MRGPRX1: variants seen among roughly 807,000 people sequenced by gnomAD.
MRGPRX1 encodes the protein MAS related GPR family member X1, also known as mas-related G protein-coupled receptor member X1.
For synonymous variants in MRGPRX1, 208 were observed against 170.4 expected (o/e 1.22, Z -1.72); for missense variants, 411 against 393.8 (o/e 1.04, Z -0.37).
At position 18,934,093 on chromosome 11, in the gene MRGPRX1, G is replaced by A; in HGVS notation, c.692C>T (p.Pro231Leu). ...AAATAGGAAAAACTGAATGCCAAAG[G>A]GCAGGCCACAGAGGAGGAAGACCAG... ...TVLVFLLCGL[P>L]FGIQFFLFLW... is the part of the protein sequence containing the mutation. Residue 231 changes from proline (P) to leucine (L), a missense_variant, in exon 2 of 2, where the codon CCC becomes CTC. Coordinates refer to ENST00000526914, the MANE Select transcript of MRGPRX1 (RefSeq NM_001393578.1). 6.2e-7 allele frequency: 1 copy of A among 1,610,914 alleles called. No homozygotes were observed. Among genetic ancestry groups the A allele is most frequent in the Non-Finnish European group, 8.5e-7 (1 of 1,178,226 alleles).
chr11:18,935,726 G>T (rs1848835313), intron 1 of MRGPRX1, among the ~76,000 whole-genome samples: 1 of 151,496 alleles, frequency 6.6e-6, no homozygotes, highest in African/African-American at 2.4e-5. Flanking sequence ...GAAAGAGTAA[G>T]TGAGGGTGAG....
chr11:18,934,436 T>G lies in MRGPRX1; in HGVS notation c.349A>C (p.Ser117Arg). Residue 117 changes from serine to arginine, a missense_variant, in exon 2 of 2, where the codon AGC (serine) becomes CGC (arginine). Transcript: ENST00000526914. ...AGGACGGACAGGCAGCGCTCGGTGC[T>G]CACGGCACTCAGAAAGCTCAGGCCT... ...FAGLSFLSAVSTERCLSVLWP... is the reference protein window; with the variant it reads ...FAGLSFLSAVRTERCLSVLWP... 1 of 1,610,548 alleles carries G rather than the reference T, an allele frequency of 6.2e-7. No homozygotes were observed. The highest frequency in any genetic ancestry group is 8.5e-7 in the Non-Finnish European group (1 of 1,178,094).
rs760104473 is a variant in MRGPRX1 at position 18,934,305 on chromosome 11, T to G, written c.480A>C (p.Leu160Phe). 1.1e-5 allele frequency: 18 copies of G among 1,610,458 alleles called. 2 individuals are homozygous for G. Among genetic ancestry groups the G allele is most frequent in the South Asian group, 2.2e-5 (2 of 90,800 alleles). The change falls in exon 2 of 2, where the codon TTA becomes TTC. Residue 160 changes from leucine to phenylalanine, a missense_variant. By Grantham distance (22) the Leu-to-Phe change is conservative. Transcript: ENST00000526914. ...CAGCACCACTGAACAGGAAGCCACA[T>G]AACATCCACTCCAGGATGCTCCGCA... The part of the protein sequence containing the change: ...SLLRSILEWM[L>F]CGFLFSGADS...
intron 1 of MRGPRX1, 96 bp from the exon 2 acceptor site, chr11:18,934,905 C>T (rs1320005222): frequency 1.5e-6 from 2 of 1,320,620 alleles, no homozygotes; most frequent in South Asian, 3.2e-5. Context: ...TTAAAGAGGG[C>T]AGATCAGAGA....
chr11:18,938,590 G>T (rs1305257932), intron 1 of MRGPRX1, among the ~76,000 whole-genome samples: 1 of 151,562 alleles, frequency 6.6e-6, no homozygotes, highest in Non-Finnish European at 1.5e-5. Flanking sequence ...TTTGGTTGGG[G>T]ACACAGATCC....
chr11:18,934,717 CAA>C lies in MRGPRX1; in HGVS notation c.66_67del (p.Cys23LeufsTer73), dbSNP rs1445087522. ...CGTGAGGCTCAAGGTCTGCTTGTAG[CAA>C]AGAGTCTCCTCAGTTCCGTTGATTG... On this transcript the variant is annotated frameshift_variant, in exon 2 of 2. Transcript: ENST00000526914. LOFTEE classifies it low-confidence loss of function (END_TRUNC). 4.4e-6 allele frequency: 7 copies of C among 1,608,198 alleles called. No individual in the cohort carries two copies. Among genetic ancestry groups the C allele is most frequent in the South Asian group, 3.3e-5 (3 of 90,326 alleles).
chr11:18,938,377 C>T (rs1167965274), intron 1 of MRGPRX1, among the ~76,000 whole-genome samples: 1 of 151,570 alleles, frequency 6.6e-6, no homozygotes, highest in African/African-American at 2.4e-5. Context: ...AGCAAGTCAT[C>T]TCACATGGTG....
intron 1 of MRGPRX1, chr11:18,935,394 G>C (rs1848832857): frequency 6.6e-6 from 1 of 151,600 alleles, no homozygotes; most frequent in East Asian, 1.9e-4. Context: ...TTCATTCAAT[G>C]AATGAATGCA....
intron 1 of MRGPRX1, among the ~76,000 whole-genome samples, chr11:18,938,375 A>G (rs1848857223): frequency 1.3e-5 from 2 of 151,566 alleles, no homozygotes; most frequent in African/African-American, 4.8e-5. Context: ...GGAGCAAGTC[A>G]TCTCACATGG....
rs193105584 is a variant in MRGPRX1 at position 18,936,384 on chromosome 11, C to T, written c.-25-1575G>A. Among the ~76,000 whole-genome samples, 3 of 151,230 alleles carry T rather than the reference C, an allele frequency of 2.0e-5. No individual in the cohort carries two copies. In the East Asian group the frequency reaches 5.8e-4, roughly 29 times the overall value. ...GGAACAAAATAGAGAAGAGTGAAAG[C>T]CATTTAGTAACAAATTCAGGAGTTC... On this transcript the variant is annotated intron_variant, in intron 1 of 1. Transcript: ENST00000526914.
rs4620701 is a variant in MRGPRX1 at position 18,939,315 on chromosome 11, G to T, written c.-61C>A. The T allele has an allele frequency of 0.35, 52,578 of 149,436 alleles. 8,306 individuals carry two copies. The highest frequency in any genetic ancestry group is 0.41 in the South Asian group (1,955 of 4,734). 9.3% of individuals were successfully genotyped at this position (149,436 alleles called of 1,614,324 possible). On this transcript the variant is annotated 5_prime_UTR_variant, in exon 1 of 2. Coordinates refer to ENST00000526914, the MANE Select transcript of MRGPRX1 (RefSeq NM_001393578.1). ...TTCTCCTTTGTCCAGTGGTGAAGAC[G>T]TCCCTTGTGCTAAAGGTGGAGGGCC...
Position 18,934,632 on chromosome 11 carries a change from G to A in MRGPRX1, c.153C>T (p.Leu51=), listed in dbSNP as rs770765585. ...CGTTCCTGCGCATGCGGCAGCCCAG[G>A]AGCCAGAGCACAACTGCGTTTCCTG... ...GLTGNAVVLW[L]LGCRMRRNAF... is the part of the protein sequence containing the mutation. The change falls in exon 2 of 2, where the codon CTC becomes CTT. Residue 51 remains leucine, a synonymous_variant. Transcript: ENST00000526914. The A allele has an allele frequency of 1.2e-6, 2 of 1,610,748 alleles. No individual in the cohort carries two copies. The highest frequency in any genetic ancestry group is 1.1e-5 in the South Asian group (1 of 90,768).
Position 18,934,450 on chromosome 11 carries a change from A to C in MRGPRX1, c.335T>G (p.Phe112Cys). 1 of 1,610,660 alleles carries C rather than the reference A, an allele frequency of 6.2e-7. No individual in the cohort carries two copies. The highest frequency in any genetic ancestry group is 8.5e-7 in the Non-Finnish European group (1 of 1,178,104). ...MMFSYFAGLS[F>C]LSAVSTERCL... ...GCGCTCGGTGCTCACGGCACTCAGA[A>C]AGCTCAGGCCTGCAAAGTAGGAAAA... The change falls in exon 2 of 2, where the codon TTT becomes TGT. Residue 112 changes from phenylalanine to cysteine, a missense_variant. Coordinates refer to ENST00000526914, the MANE Select transcript of MRGPRX1 (RefSeq NM_001393578.1).
At chr11:18,935,060 C>A (rs892152819) in intron 1 of MRGPRX1, 1 of 390,200 alleles carries the variant, frequency 2.6e-6, no homozygotes, top group Non-Finnish European at 4.6e-6. Flanking sequence ...GATCAAAACA[C>A]CCCCACTCAT....
At chr11:18,938,876 T>G (rs1314489197) in intron 1 of MRGPRX1, among the ~76,000 whole-genome samples, 1 of 151,560 alleles carries the variant, frequency 6.6e-6, no homozygotes, top group East Asian at 1.9e-4. Flanking sequence ...TTGGACCACC[T>G]ATTTCTTCCT....
At chr11:18,939,212 G>A (rs1213463391) in intron 1 of MRGPRX1, 68 bp downstream of exon 1, 3 of 151,716 alleles carry the variant, frequency 2.0e-5, no homozygotes, top group Admixed American at 6.6e-5. Flanking sequence ...GCACCTAGGT[G>A]GAAACAGAAA....
intron 1 of MRGPRX1, among the ~76,000 whole-genome samples, chr11:18,935,630 C>T (rs1447664098): frequency 6.6e-6 from 1 of 151,358 alleles, no homozygotes; most frequent in Non-Finnish European, 1.5e-5. Context: ...CTCAGTGTGG[C>T]TTTGCCGAAC....
At position 18,934,664 on chromosome 11, in the gene MRGPRX1, C is replaced by A; in HGVS notation, c.121G>T (p.Gly41Trp). 6.2e-7 allele frequency: 1 copy of A among 1,610,762 alleles called. No individual in the cohort carries two copies. The highest frequency in any genetic ancestry group is 8.5e-7 in the Non-Finnish European group (1 of 1,178,174). Residue 41 changes from glycine (G) to tryptophan (W), a missense_variant, in exon 2 of 2, where the codon GGG becomes TGG. Physicochemically the swap from Gly to Trp is radical, Grantham distance 184. Coordinates refer to ENST00000526914, the MANE Select transcript of MRGPRX1 (RefSeq NM_001393578.1). ...AGCACAACTGCGTTTCCTGTCAGCC[C>A]GACAAGGGAAACGATGCACGTCAGC... is the stretch of plus-strand genomic sequence containing the variant. ...TVLTCIVSLV[G>W]LTGNAVVLWL...
At position 18,934,577 on chromosome 11, in the gene MRGPRX1, C is replaced by A. The variant is rs567589026; in HGVS notation, c.208G>T (p.Ala70Ser). ...CCGCTGAGGAAGAGGAAGTCTGCTG[C>A]GGCCAAGTTGAGGATGTAGATGGAG... ...AFSIYILNLA[A>S]ADFLFLSGRL... Residue 70 changes from alanine (A) to serine (S), a missense_variant, in exon 2 of 2, where the codon GCA becomes TCA. Ala to Ser is a moderately conservative substitution (Grantham distance 99). Coordinates refer to ENST00000526914, the MANE Select transcript of MRGPRX1 (RefSeq NM_001393578.1). The A allele has an allele frequency of 1.6e-5, 25 of 1,609,520 alleles. 3 individuals are homozygous for A. The East Asian group carries it at 5.4e-4, about 34-fold the overall frequency.
Sources: allele counts gnomAD v4.1 joint callset (sites outside exome capture counted in the v4.1 genomes callset), GRCh38; gene constraint gnomAD v4.1.1; transcripts MANE v1.5; gene names NCBI Gene and HGNC (gene_info 2026-07-23, HGNC 2026-07-21).